DLG2: variants seen among roughly 807,000 people sequenced by gnomAD.
DLG2 encodes discs large MAGUK scaffold protein 2, also known as disks large homolog 2.
DLG2 carries 45 observed loss-of-function variants against 132.5 expected under a neutral mutation model. That is an observed-to-expected ratio of 0.34 (90% CI 0.27 to 0.44). The LOEUF (loss-of-function observed/expected upper bound fraction) is 0.44, where lower values mean the gene tolerates loss of function less well. DLG2 is among the 20% of genes least tolerant of loss of function. The probability of loss-of-function intolerance (pLI) is 1.00; values close to 1 mark genes in which losing one functional copy is unlikely to be tolerated. For missense variants in DLG2, 1,045 were observed against 1,196.9 expected (o/e 0.87, Z 1.87); for synonymous variants, 424 against 419.6 (o/e 1.01, Z -0.13).
intron 18 of DLG2, among the ~76,000 whole-genome samples, chr11:83,713,353 G>A (rs936574911): frequency 2.6e-5 from 4 of 152,194 alleles, no homozygotes; most frequent in African/African-American, 4.8e-5. Context: ...GAGATTTGAA[G>A]AATGGGTGAG....
chr11:84,974,916 A>T (rs1051139798), intron 6 of DLG2, among the ~76,000 whole-genome samples: 2 of 152,270 alleles, frequency 1.3e-5, no homozygotes. Flanking sequence ...ACTTCTTGAT[A>T]AATAAAATGA....
At chr11:83,569,547 CA>C (rs998203918) in intron 19 of DLG2, among the ~76,000 whole-genome samples, 5 of 152,138 alleles carry the variant, frequency 3.3e-5, no homozygotes, top group Admixed American at 1.3e-4. Flanking sequence ...TTAGGTTATA[CA>C]AAAGCCTCTG....
chr11:85,178,247 A>G (rs2079446565), intron 4 of DLG2, among the ~76,000 whole-genome samples: 1 of 152,040 alleles, frequency 6.6e-6, no homozygotes. Flanking sequence ...TACACAGTGA[A>G]GTATTCAGGG....
chr11:83,883,804 C>CAAA (rs71463186), intron 15 of DLG2, among the ~76,000 whole-genome samples: 1 of 123,526 alleles, frequency 8.1e-6, no homozygotes, highest in Non-Finnish European at 1.7e-5. Flanking sequence ...AACATGTATA[C>CAAA]AAAAAAAAAA....
intron 4 of DLG2, among the ~76,000 whole-genome samples, chr11:85,229,112 C>A (rs1424262503): frequency 6.6e-6 from 1 of 151,804 alleles, no homozygotes; most frequent in Non-Finnish European, 1.5e-5. Flanking sequence ...CTGTACACTT[C>A]CATTTACCCT....
At chr11:83,761,738 T>C (rs763529604) in intron 18 of DLG2, among the ~76,000 whole-genome samples, 18 of 152,210 alleles carry the variant, frequency 1.2e-4, no homozygotes, top group Admixed American at 2.0e-4. Context: ...CAACGTGCTG[T>C]TGTGTGTTCC....
rs117010619 is a variant in DLG2 at position 84,422,052 on chromosome 11, G to A, written c.519+112518C>T. Among the ~76,000 whole-genome samples the A allele has an allele frequency of 2.2e-4, 33 of 152,244 alleles. No homozygotes were observed. The East Asian group carries it at 5.8e-3, about 27-fold the overall frequency. ...ACTTGAATTGTCATGCTATATGGTCGTCCACTCAAACATATCTCTCCCTCA... is the reference window on the plus strand; with the variant it reads ...ACTTGAATTGTCATGCTATATGGTCATCCACTCAAACATATCTCTCCCTCA... On this transcript the variant is annotated intron_variant, in intron 7 of 27. Transcript: ENST00000376104.
intron 3 of DLG2, among the ~76,000 whole-genome samples, chr11:85,471,094 T>C (rs1219874339): frequency 6.6e-6 from 1 of 152,186 alleles, no homozygotes; most frequent in African/African-American, 2.4e-5. Flanking sequence ...CTATCCTATA[T>C]AAACTGCCCG....
intron 7 of DLG2, among the ~76,000 whole-genome samples, chr11:84,373,852 TAATG>T (rs2098718841): frequency 6.6e-6 from 1 of 152,204 alleles, no homozygotes; most frequent in African/African-American, 2.4e-5. Flanking sequence ...AAATTTCTAA[TAATG>T]AAGATCAAAG....
At chr11:85,546,176 T>C (rs1369581715) in intron 3 of DLG2, among the ~76,000 whole-genome samples, 1 of 152,242 alleles carries the variant, frequency 6.6e-6, no homozygotes, top group Non-Finnish European at 1.5e-5. Flanking sequence ...GTCCCAGAGA[T>C]TCTGCTACCT....
chr11:83,855,219 G>A (rs1396350940), intron 16 of DLG2, among the ~76,000 whole-genome samples: 2 of 152,122 alleles, frequency 1.3e-5, no homozygotes, highest in Non-Finnish European at 2.9e-5. Context: ...TTGCTGGTGG[G>A]AATGCAAATG....
At chr11:85,147,018 T>C (rs1269680101) in intron 5 of DLG2, among the ~76,000 whole-genome samples, 5 of 152,188 alleles carry the variant, frequency 3.3e-5, no homozygotes, top group African/African-American at 9.6e-5. Flanking sequence ...TGAGTTCCAA[T>C]GCAATGTCTC....
At chr11:84,567,769 C>T (rs1565323698) in intron 6 of DLG2, among the ~76,000 whole-genome samples, 1 of 152,160 alleles carries the variant, frequency 6.6e-6, no homozygotes, top group Non-Finnish European at 1.5e-5. Flanking sequence ...TCTATTCCTC[C>T]TTACGGAAAG....
At chr11:84,908,837 T>C (rs770672819) in intron 6 of DLG2, among the ~76,000 whole-genome samples, 15 of 149,774 alleles carry the variant, frequency 1.0e-4, no homozygotes, top group African/African-American at 3.0e-4. Context: ...TAAGCACTTA[T>C]ATGCTTTCAA....
chr11:84,032,293 G>A (rs1292240935), intron 11 of DLG2, among the ~76,000 whole-genome samples: 5 of 152,186 alleles, frequency 3.3e-5, no homozygotes, highest in Admixed American at 6.6e-5. Flanking sequence ...AAATACAAAG[G>A]AAGAGTTCTT....
chr11:84,708,101 A>C (rs1037651399), intron 6 of DLG2, among the ~76,000 whole-genome samples: 1 of 151,782 alleles, frequency 6.6e-6, no homozygotes, highest in Non-Finnish European at 1.5e-5. Context: ...CTAGCCCCCA[A>C]ATAGTTCTTT....
chr11:85,219,345 C>A (rs1431997916), intron 4 of DLG2, among the ~76,000 whole-genome samples: 2 of 152,168 alleles, frequency 1.3e-5, no homozygotes, highest in Non-Finnish European at 2.9e-5. Context: ...TCTCTTATAA[C>A]ACTTTCATTA....
chr11:85,531,491 T>C (rs2075207944), intron 3 of DLG2, among the ~76,000 whole-genome samples: 1 of 152,190 alleles, frequency 6.6e-6, no homozygotes, highest in South Asian at 2.1e-4. Context: ...ACTGAAAAAT[T>C]AGAGCCTCTC....
At chr11:83,949,274 T>C (rs1297659095) in intron 14 of DLG2, among the ~76,000 whole-genome samples, 1 of 152,156 alleles carries the variant, frequency 6.6e-6, no homozygotes. Flanking sequence ...ATGGTGTTCC[T>C]TTCCCATAGC....
Sources: gnomAD v4.1 joint callset for allele counts (sites outside exome capture counted in the v4.1 genomes callset) on GRCh38, gnomAD v4.1.1 for gene constraint, MANE v1.5 for transcripts, NCBI Gene and HGNC (gene_info 2026-07-23, HGNC 2026-07-21) for gene names.